OSBPL8: variants seen among roughly 807,000 people sequenced by gnomAD.
OSBPL8 encodes the protein oxysterol binding protein like 8.
A neutral mutation model predicts 125.5 loss-of-function variants in OSBPL8; 59 were observed. That is an observed-to-expected ratio of 0.47 (90% confidence interval 0.38 to 0.58). The LOEUF (loss-of-function observed/expected upper bound fraction) is 0.58, where lower values mean the gene tolerates loss of function less well. OSBPL8 is among the 20% of genes least tolerant of loss of function. The pLI is 0.00. For missense variants in OSBPL8, 758 were observed against 1,047.8 expected (o/e 0.72, Z 3.82); for synonymous variants, 330 against 338.9 (o/e 0.97, Z 0.29).
Position 76,354,436 on chromosome 12 carries a change from T to TA in OSBPL8, c.*1452dup, listed in dbSNP as rs1951916367. On this transcript the variant is annotated 3_prime_UTR_variant, in exon 24 of 24. Coordinates refer to ENST00000261183, the MANE Select transcript of OSBPL8 (RefSeq NM_020841.5). ...TGTATTTATTTACCAATCTTGTATT[T>TA]ATCATGGCATAAACGATTATAATTT... 1 of 151,948 alleles carries TA rather than the reference T, an allele frequency of 6.6e-6. No individual in the cohort carries two copies. The highest frequency in any genetic ancestry group is 1.5e-5 in the Non-Finnish European group (1 of 67,850). 9.4% of individuals were successfully genotyped at this position (151,948 alleles called of 1,614,324 possible).
At chr12:76,378,366 C>T in intron 16 of OSBPL8, 86 bp downstream of exon 16, 1 of 903,864 alleles carries the variant, frequency 1.1e-6, no homozygotes. Flanking sequence ...CTGACTCCAT[C>T]AATCACAAAG....
At chr12:76,402,842 T>C in intron 5 of OSBPL8, 76 bp from the exon 6 acceptor site, 1 of 959,252 alleles carries the variant, frequency 1.0e-6, no homozygotes, top group South Asian at 1.5e-5. Flanking sequence ...ATGTTAAAAT[T>C]ATGTGACATT....
At chr12:76,414,264 C>T (rs1188624723) in intron 4 of OSBPL8, among the ~76,000 whole-genome samples, 1 of 152,016 alleles carries the variant, frequency 6.6e-6, no homozygotes, top group Non-Finnish European at 1.5e-5. Context: ...ACAGTATTGC[C>T]TAGAAATGGT....
At chr12:76,492,713 C>T (rs1203990009) in intron 1 of OSBPL8, among the ~76,000 whole-genome samples, 2 of 152,148 alleles carry the variant, frequency 1.3e-5, no homozygotes, top group Non-Finnish European at 2.9e-5. Flanking sequence ...TCTCCCGTAC[C>T]CTCAAGATGG....
In OSBPL8 at chr12:76,369,721, T is replaced by C; in HGVS notation, c.2156A>G (p.Asp719Gly). Residue 719 changes from aspartate (D) to glycine (G), a missense_variant, in exon 20 of 24, where the codon GAT (aspartate) becomes GGT (glycine). By Grantham distance (94) the Asp-to-Gly change is moderately conservative (BLOSUM62 -1). This residue lies in a region of OSBPL8 where 572 missense variants were observed against 762.0 expected (regional missense o/e 0.75). Transcript: ENST00000261183. ...CCACTCTTCATTTTTTGTTTTCCGA[T>C]CCCTGGCAGCTTGTCTTTGAGCTTC... ...LEEAQRQAAR[D>G]RKTKNEEWSC... The C allele has an allele frequency of 6.2e-7, 1 of 1,613,738 alleles. No individual in the cohort carries two copies. The highest frequency in any genetic ancestry group is 1.1e-5 in the South Asian group (1 of 91,078).
At chr12:76,365,857 T>C (rs908713070) in intron 21 of OSBPL8, among the ~76,000 whole-genome samples, 1 of 152,216 alleles carries the variant, frequency 6.6e-6, no homozygotes, top group Admixed American at 6.5e-5. Context: ...GAAATGACCA[T>C]GTGATTTTCC....
At chr12:76,522,429 G>A (rs1488300415) in intron 1 of OSBPL8, among the ~76,000 whole-genome samples, 1 of 152,070 alleles carries the variant, frequency 6.6e-6, no homozygotes, top group Non-Finnish European at 1.5e-5. Context: ...CTGGTGGGAG[G>A]TGTTAGGATC....
intron 4 of OSBPL8, among the ~76,000 whole-genome samples, chr12:76,435,427 A>G (rs1871337361): frequency 6.6e-6 from 1 of 152,114 alleles, no homozygotes; most frequent in South Asian, 2.1e-4. Context: ...ATATTAGTCA[A>G]AGGGTACAAG....
At chr12:76,405,540 G>A (rs1360685552) in intron 5 of OSBPL8, among the ~76,000 whole-genome samples, 1 of 152,072 alleles carries the variant, frequency 6.6e-6, no homozygotes, top group Non-Finnish European at 1.5e-5. Flanking sequence ...CTGTACATAG[G>A]GGACCAGCAG....
intron 5 of OSBPL8, among the ~76,000 whole-genome samples, chr12:76,406,539 G>C (rs897581453): frequency 6.6e-6 from 1 of 152,070 alleles, no homozygotes; most frequent in African/African-American, 2.4e-5. Flanking sequence ...ACTTTGTTTG[G>C]GATAATCTGA....
intron 15 of OSBPL8, among the ~76,000 whole-genome samples, chr12:76,380,732 T>C (rs1237070215): frequency 6.6e-6 from 1 of 152,156 alleles, no homozygotes; most frequent in Non-Finnish European, 1.5e-5. Context: ...CTGTATGCTA[T>C]TTTTCCCTTT....
intron 1 of OSBPL8, among the ~76,000 whole-genome samples, chr12:76,518,343 A>G (rs1385092170): frequency 6.6e-6 from 1 of 152,212 alleles, no homozygotes; most frequent in African/African-American, 2.4e-5. Flanking sequence ...GTGGGCTCCC[A>G]AGGCCTTGGG....
intron 4 of OSBPL8, among the ~76,000 whole-genome samples, chr12:76,437,993 T>C (rs1871686223): frequency 6.6e-6 from 1 of 152,170 alleles, no homozygotes; most frequent in African/African-American, 2.4e-5. Flanking sequence ...TTTTTTATTT[T>C]TTATTTTTTT....
intron 4 of OSBPL8, among the ~76,000 whole-genome samples, chr12:76,437,036 T>G (rs1487950315): frequency 6.6e-6 from 1 of 152,200 alleles, no homozygotes; most frequent in African/African-American, 2.4e-5. Flanking sequence ...TGGTACTCTA[T>G]TGTATGAATA....
intron 1 of OSBPL8, chr12:76,536,896 G>A (rs1950516128): frequency 6.7e-6 from 1 of 150,012 alleles, no homozygotes; most frequent in Non-Finnish European, 1.5e-5. Context: ...ACCCAGAAAT[G>A]TAACTTCATC....
intron 2 of OSBPL8, among the ~76,000 whole-genome samples, chr12:76,474,156 C>T (rs1876513075): frequency 6.6e-6 from 1 of 151,872 alleles, no homozygotes; most frequent in South Asian, 2.1e-4. Flanking sequence ...TTGCTGAACC[C>T]AATAAATGTT....
intron 2 of OSBPL8, among the ~76,000 whole-genome samples, chr12:76,472,762 G>A (rs1327562609): frequency 6.6e-6 from 1 of 152,156 alleles, no homozygotes; most frequent in African/African-American, 2.4e-5. Flanking sequence ...TTATCTAAAA[G>A]GCAGAGCCAG....
rs775082909 is a variant in OSBPL8, at chr12:76,389,722, C to T, written c.1275G>A (p.Leu425=). ...RPGMDLSKVV[L]PTFILEPRSF... is the part of the protein sequence containing the mutation. ...AACGGGGTTCCAAAATAAATGTAGGCAGAACCACCTTGGATAGGTCCATGC... is the reference window on the plus strand; with the variant it reads ...AACGGGGTTCCAAAATAAATGTAGGTAGAACCACCTTGGATAGGTCCATGC... Residue 425 remains leucine, a synonymous_variant, in exon 12 of 24, where the codon CTG becomes CTA. Transcript: ENST00000261183. 4 of 1,608,208 alleles carry T rather than the reference C, an allele frequency of 2.5e-6. No homozygotes were observed. In the East Asian group the frequency reaches 6.7e-5, roughly 27 times the overall value.
chr12:76,511,319 T>G (rs1392362686), intron 1 of OSBPL8, among the ~76,000 whole-genome samples: 3 of 152,226 alleles, frequency 2.0e-5, no homozygotes, highest in Non-Finnish European at 2.9e-5. Context: ...GGACTCACCA[T>G]ACTGCTTTCC....
Sources: allele counts gnomAD v4.1 joint callset (sites outside exome capture counted in the v4.1 genomes callset), GRCh38; gene constraint gnomAD v4.1.1; regional missense constraint gnomAD v4.1.1; transcripts MANE v1.5; gene names NCBI Gene and HGNC (gene_info 2026-07-23, HGNC 2026-07-21).